The following PIGA variants were observed in gnomAD, a reference collection of about 807,000 sequenced individuals.
PIGA encodes phosphatidylinositol N-acetylglucosaminyltransferase subunit A.
In PIGA, 3 loss-of-function variants were observed where a neutral mutation model predicts 17.1. The observed-to-expected ratio is 0.18, with a 90% CI of 0.08 to 0.45. PIGA has a LOEUF of 0.45. Ranked by LOEUF, PIGA falls within the 20% of genes least tolerant of loss-of-function variation. The pLI is 0.99. For missense variants in PIGA, 231 were observed against 374.1 expected (o/e 0.62, Z 3.16); for synonymous variants, 126 against 135.1 (o/e 0.93, Z 0.47).
Position 15,331,323 on chromosome X carries a change from A to G in PIGA, c.608T>C (p.Val203Ala). The G allele has an allele frequency of 8.3e-7, 1 of 1,207,401 alleles. No homozygotes were observed. The highest frequency in any genetic ancestry group is 1.1e-6 in the Non-Finnish European group (1 of 891,258). The part of the protein sequence containing the change: ...VLRAALNPEI[V>A]SVIPNAVDPT... ...ATCTACAGCATTAGGAATGACGGAC[A>G]CTATTTCAGGATTCAGTGCTGCTCT... The change falls in exon 2 of 6, where the codon GTG (valine) becomes GCG (alanine). Residue 203 changes from valine to alanine, a missense_variant. Physicochemically the swap from Val to Ala is moderately conservative, Grantham distance 64. Transcript: ENST00000333590.
intron 2 of PIGA, chrX:15,331,009 A>G: frequency 2.7e-6 from 1 of 370,855 alleles, no homozygotes; most frequent in Non-Finnish European, 4.7e-6. Context: ...TAAAACATCA[A>G]AGGTTGGGGG....
At chrX:15,335,459 C>T in intron 1 of PIGA, 42 bp downstream of exon 1, 1 of 987,327 alleles carries the variant, frequency 1.0e-6, no homozygotes. Flanking sequence ...CATCCGAAAG[C>T]GGCCCAGAGC....
At chrX:15,326,075 T>A in intron 2 of PIGA, 29 bp from the exon 3 acceptor site, 1 of 1,019,247 alleles carries the variant, frequency 9.8e-7, no homozygotes, top group Non-Finnish European at 1.3e-6. Flanking sequence ...ATGTTGGAGA[T>A]ATTAATATTT....
rs1398708319 is a variant in PIGA, at chrX:15,321,056, T to C, written c.*450A>G. 8.6e-6 allele frequency: 1 copy of C among 116,251 alleles called. No individual in the cohort carries two copies. The highest frequency in any genetic ancestry group is 1.8e-5 in the Non-Finnish European group (1 of 55,495). The allele number at this position is 116,251 out of a possible 1,213,427, so 9.6% of individuals were successfully genotyped here. On this transcript the variant is annotated 3_prime_UTR_variant, in exon 6 of 6. Coordinates refer to ENST00000333590, the MANE Select transcript of PIGA (RefSeq NM_002641.4). The stretch of plus-strand genomic sequence containing the variant: ...TCAAAGACATGATTTAGATTCCTAA[T>C]AAATGTATATGAACATGATATAAAA...
chrX:15,335,523 T>A lies in PIGA; in HGVS notation c.-85A>T, dbSNP rs908996005. ...CACCGGTGAGTTCCATGGCCGCCAG[T>A]GTCCGGACCTCCCGCGGCTGCAGCC... On this transcript the variant is annotated 5_prime_UTR_variant, in exon 1 of 6. Transcript: ENST00000333590. 1.0e-6 allele frequency: 1 copy of A among 971,196 alleles called. No homozygotes were observed. Among genetic ancestry groups the A allele is most frequent in the Non-Finnish European group, 1.3e-6 (1 of 773,093 alleles). The allele number at this position is 971,196 out of a possible 1,213,427, so 80.0% of individuals were successfully genotyped here. A position where few individuals can be genotyped will look rare whatever the true frequency, so the allele number is the denominator to read the frequency against.
chrX:15,335,406 C>T (rs1922306849), intron 1 of PIGA, 95 bp downstream of exon 1: 2 of 842,821 alleles, frequency 2.4e-6, no homozygotes, highest in Middle Eastern at 3.0e-4. Flanking sequence ...TCGGTTTCAC[C>T]CCCTCCACCA....
chrX:15,332,679 C>T (rs1922203210), intron 1 of PIGA, among the ~76,000 whole-genome samples: 1 of 112,055 alleles, frequency 8.9e-6, no homozygotes, highest in East Asian at 2.8e-4. Flanking sequence ...AATTTTTGGC[C>T]TCGGCCTAAA....
Position 15,326,043 on chromosome X carries a change from A to G in PIGA, c.719T>C (p.Ile240Thr), listed in dbSNP as rs1182258622. 8.9e-7 allele frequency: 1 copy of G among 1,121,060 alleles called. No individual in the cohort carries two copies. Among genetic ancestry groups the G allele is most frequent in the Admixed American group, 2.5e-5 (1 of 40,069 alleles). The allele number at this position is 1,121,060 out of a possible 1,213,427, so 92.4% of individuals were successfully genotyped here. A position where few individuals can be genotyped will look rare whatever the true frequency, so the allele number is the denominator to read the frequency against. ...AGGTATTATACCACTAAGCAAATCG[A>G]TCCCTGAAAATATAAAGTTGAATGT... ...VVSRLVYRKGIDLLSGIIPEL... is the reference protein window; with the variant it reads ...VVSRLVYRKGTDLLSGIIPEL... Residue 240 changes from isoleucine to threonine, a missense_variant, in exon 3 of 6, where the codon ATC (isoleucine) becomes ACC (threonine). By Grantham distance (89) the Ile-to-Thr change is moderately conservative (BLOSUM62 -1). This residue lies in a region of PIGA where 83 missense variants were observed against 190.1 expected (regional missense o/e 0.44). Coordinates refer to ENST00000333590, the MANE Select transcript of PIGA (RefSeq NM_002641.4).
At chrX:15,334,294 G>A (rs1335163518) in intron 1 of PIGA, among the ~76,000 whole-genome samples, 3 of 104,830 alleles carry the variant, frequency 2.9e-5, no homozygotes, top group Non-Finnish European at 5.8e-5. Flanking sequence ...GAGTTCAAGC[G>A]ATTCTCCCAC....
chrX:15,333,595 C>T (rs1217233648), intron 1 of PIGA, among the ~76,000 whole-genome samples: 1 of 111,927 alleles, frequency 8.9e-6, no homozygotes, highest in African/African-American at 3.2e-5. Context: ...GCAGGAGAAC[C>T]GCTTGAACCC....
At chrX:15,332,788 C>T (rs1020036500) in intron 1 of PIGA, among the ~76,000 whole-genome samples, 4 of 111,377 alleles carry the variant, frequency 3.6e-5, no homozygotes, top group Non-Finnish European at 7.5e-5. Context: ...GCTAGAGGGA[C>T]AAGGGAAGAG....
chrX:15,331,562 C>G lies in PIGA; in HGVS notation c.369G>C (p.Thr123=), dbSNP rs766304305. Reference sequence around the variant, plus strand: ...AAAAAGAACTATGTGAATGGATTATCGTGACTCTCTCCCGAACAAATATGT... The same window carrying G: ...AAAAAGAACTATGTGAATGGATTATGGTGACTCTCTCCCGAACAAATATGT... The part of the protein sequence containing the change: ...LRYIFVRERV[T]IIHSHSSFSA... Residue 123 remains threonine, a synonymous_variant, in exon 2 of 6, where the codon ACG becomes ACC. Coordinates refer to ENST00000333590, the MANE Select transcript of PIGA (RefSeq NM_002641.4). The G allele has an allele frequency of 8.3e-7, 1 of 1,211,142 alleles. No individual in the cohort carries two copies. Among genetic ancestry groups the G allele is most frequent in the Non-Finnish European group, 1.1e-6 (1 of 894,887 alleles).
At position 15,321,650 on chromosome X, in the gene PIGA, G is replaced by A. The variant is rs2147714758; in HGVS notation, c.1311C>T (p.Leu437=). 1 of 1,210,738 alleles carries A rather than the reference G, an allele frequency of 8.3e-7. No individual in the cohort carries two copies. Among genetic ancestry groups the A allele is most frequent in the South Asian group, 1.8e-5 (1 of 56,993 alleles). The change falls in exon 6 of 6, where the codon CTC becomes CTT. Residue 437 remains leucine, a synonymous_variant. Transcript: ENST00000333590. ...IFALLAVFNF[L]FLIFLRWMTP... ...TCATCCATCTCAAGAAAATGAGGAA[G>A]AGGAAGTTGAAAACTGCCAACAAAG...
chrX:15,332,047 C>T (rs1922184960), intron 1 of PIGA, 55 bp from the exon 2 acceptor site: 3 of 789,758 alleles, frequency 3.8e-6, no homozygotes, highest in Non-Finnish European at 5.2e-6. Context: ...TTCCATATTA[C>T]AAATCCAGAT....
At chrX:15,328,679 CAATTACTG>C (rs1172686211) in intron 2 of PIGA, 2 of 111,752 alleles carry the variant, frequency 1.8e-5, no homozygotes, top group Non-Finnish European at 3.8e-5. Flanking sequence ...AATAACTGTT[CAATTACTG>C]AATTGAGTAC....
intron 5 of PIGA, among the ~76,000 whole-genome samples, chrX:15,324,164 C>T (rs1343039619): frequency 8.9e-6 from 1 of 112,302 alleles, no homozygotes; most frequent in African/African-American, 3.2e-5. Context: ...ACTATGTTCT[C>T]AATCAGCCCA....
chrX:15,331,373 A>G lies in PIGA; in HGVS notation c.558T>C (p.Tyr186=), dbSNP rs1269258862. 3.3e-6 allele frequency: 4 copies of G among 1,210,861 alleles called. No homozygotes were observed. Among genetic ancestry groups the G allele is most frequent in the Non-Finnish European group, 3.4e-6 (3 of 894,532 alleles). Residue 186 remains tyrosine, a synonymous_variant, in exon 2 of 6, where the codon TAT becomes TAC. Coordinates refer to ENST00000333590, the MANE Select transcript of PIGA (RefSeq NM_002641.4). ...CDTNHIICVS[Y]TSKENTVLRA... ...TTAGTACAGTATTTTCCTTACTAGT[A>G]TAAGACACACAAATGATGTGGTTTG...
intron 2 of PIGA, chrX:15,328,104 AC>A (rs1268973007): frequency 1.8e-5 from 2 of 111,950 alleles, no homozygotes; most frequent in Admixed American, 1.9e-4. Flanking sequence ...CTTCTGATCT[AC>A]ACCTAGGATA....
Position 15,331,208 on chromosome X carries a change from T to C in PIGA, c.715+8A>G. 1 of 1,162,884 alleles carries C rather than the reference T, an allele frequency of 8.6e-7. No individual in the cohort carries two copies. Among genetic ancestry groups the C allele is most frequent in the Non-Finnish European group, 1.2e-6 (1 of 858,671 alleles). On this transcript the variant is annotated splice_region_variant and intron_variant, in intron 2 of 5. Transcript: ENST00000333590. ...TCTACAATGCAATTATAGCTATCATTTCATTACCTTTTCTGTAAACAAGTC... is the reference window on the plus strand; with the variant it reads ...TCTACAATGCAATTATAGCTATCATCTCATTACCTTTTCTGTAAACAAGTC...
Sources: allele counts gnomAD v4.1 joint callset (sites outside exome capture counted in the v4.1 genomes callset), GRCh38; gene constraint gnomAD v4.1.1; regional missense constraint gnomAD v4.1.1; transcripts MANE v1.5; gene names NCBI Gene and HGNC (gene_info 2026-07-23, HGNC 2026-07-21).